The following LRRIQ1 variants were observed in gnomAD, a reference collection of about 807,000 sequenced individuals.
LRRIQ1 encodes leucine-rich repeat- and IQ domain-containing protein 1.
LRRIQ1 carries 210 observed loss-of-function variants against 211.9 expected under a neutral mutation model. That is an observed-to-expected ratio of 0.99 (90% CI 0.89 to 1.11). The LOEUF (loss-of-function observed/expected upper bound fraction) is 1.11, where lower values mean the gene tolerates loss of function less well. LRRIQ1 is among the 50% of genes most tolerant of loss of function. The pLI is 0.00. For synonymous variants in LRRIQ1, 699 were observed against 650.1 expected, an observed-to-expected ratio of 1.08 and a Z score of -1.14; for missense variants, 2,136 against 1,939.5, an observed-to-expected ratio of 1.10 and a Z score of -1.90.
intron 11 of LRRIQ1, among the ~76,000 whole-genome samples, chr12:85,075,666 T>G (rs1883567613): frequency 6.6e-6 from 1 of 151,964 alleles, no homozygotes; most frequent in African/African-American, 2.4e-5. Flanking sequence ...CCTCCAGCAT[T>G]GAGGATTAGA....
At chr12:85,142,681 T>A (rs560256820) in intron 19 of LRRIQ1, among the ~76,000 whole-genome samples, 64 of 151,640 alleles carry the variant, frequency 4.2e-4, no homozygotes, top group African/African-American at 1.5e-3. Context: ...TTCTGTGATA[T>A]TAAGTTTTTT....
At chr12:85,157,360 A>C (rs559725633) in intron 23 of LRRIQ1, among the ~76,000 whole-genome samples, 18 of 151,938 alleles carry the variant, frequency 1.2e-4, no homozygotes, top group Non-Finnish European at 2.2e-4. Context: ...AGGAGTTATC[A>C]TTACTTATAC....
chr12:85,271,777 TTTAA>T, the LRRIQ1 span, among the ~76,000 whole-genome samples: 1 of 152,162 alleles, frequency 6.6e-6, no homozygotes, highest in South Asian at 2.1e-4. Flanking sequence ...ATTTTTTAAC[TTTAA>T]TTTGCAATTT....
intron 15 of LRRIQ1, among the ~76,000 whole-genome samples, chr12:85,111,380 G>A (rs567568829): frequency 2.6e-5 from 4 of 151,924 alleles, no homozygotes; most frequent in Non-Finnish European, 4.4e-5. Context: ...CCTACTGCAC[G>A]AGAGGCTAGA....
chr12:85,091,166 G>A lies in LRRIQ1; in HGVS notation c.2888-7189G>A, dbSNP rs750739035. Among the ~76,000 whole-genome samples the A allele has an allele frequency of 2.7e-4, 41 of 152,132 alleles. 1 individual carries two copies. Among genetic ancestry groups the A allele is most frequent in the Non-Finnish European group, 4.6e-4 (31 of 68,018 alleles). On this transcript the variant is annotated intron_variant, in intron 11 of 26. Coordinates refer to ENST00000393217, the MANE Select transcript of LRRIQ1 (RefSeq NM_001079910.2). ...GCTTCCTAAGGTCTCTCTAGAAGCT[G>A]AGAAGATGCCAGCACCATACTTTCT... is the stretch of plus-strand genomic sequence containing the variant.
chr12:85,064,956 C>A (rs558420874), intron 8 of LRRIQ1, among the ~76,000 whole-genome samples: 1 of 151,594 alleles, frequency 6.6e-6, no homozygotes, highest in African/African-American at 2.4e-5. Flanking sequence ...GAAGTCCATA[C>A]CACTTTAAAA....
intron 25 of LRRIQ1, among the ~76,000 whole-genome samples, chr12:85,232,158 C>T (rs1593003978): frequency 6.6e-6 from 1 of 151,870 alleles, no homozygotes; most frequent in South Asian, 2.1e-4. Context: ...TAAACTTTCT[C>T]CTTTGAAAAT....
intron 26 of LRRIQ1, among the ~76,000 whole-genome samples, chr12:85,241,934 CAG>C (rs1229494693): frequency 3.3e-5 from 5 of 151,938 alleles, no homozygotes; most frequent in Non-Finnish European, 7.4e-5. Flanking sequence ...GGAGGTGAAT[CAG>C]AATCCAAATG....
chr12:85,167,176 T>A (rs1401402582), intron 24 of LRRIQ1, among the ~76,000 whole-genome samples: 1 of 152,188 alleles, frequency 6.6e-6, no homozygotes, highest in Admixed American at 6.5e-5. Flanking sequence ...TAGGAAGACT[T>A]TTCTGATTCT....
chr12:85,210,657 G>C (rs780922172), intron 24 of LRRIQ1, among the ~76,000 whole-genome samples: 1 of 152,126 alleles, frequency 6.6e-6, no homozygotes, highest in Non-Finnish European at 1.5e-5. Flanking sequence ...CAAATCATTG[G>C]TTTCGTATAC....
chr12:85,154,472 G>A (rs1442649772), intron 23 of LRRIQ1, among the ~76,000 whole-genome samples: 1 of 151,348 alleles, frequency 6.6e-6, no homozygotes, highest in East Asian at 1.9e-4. Flanking sequence ...TCAATAAATT[G>A]TATAAATTTA....
chr12:85,213,059 A>G (rs1893914518), intron 24 of LRRIQ1, among the ~76,000 whole-genome samples: 1 of 151,826 alleles, frequency 6.6e-6, no homozygotes, highest in Non-Finnish European at 1.5e-5. Context: ...CCCAGGTAGC[A>G]AATAGTAATT....
rs1437494638 is a variant in LRRIQ1, at chr12:85,045,902, T to A, written c.337-118T>A. ...GCTGCAGATTTGTATTTGAGAGATA[T>A]CTGGAGTACATTAAAATTCTTGGTA... On this transcript the variant is annotated intron_variant, in intron 4 of 26. Transcript: ENST00000393217. 8.2e-6 allele frequency: 4 copies of A among 488,576 alleles called. No homozygotes were observed. The East Asian group carries it at 1.2e-4, about 15-fold the overall frequency. The allele number at this position is 488,576 out of a possible 1,614,324, so 30.3% of individuals were successfully genotyped here.
chr12:85,132,551 T>G (rs1314077322), intron 18 of LRRIQ1, among the ~76,000 whole-genome samples: 2 of 152,086 alleles, frequency 1.3e-5, no homozygotes, highest in African/African-American at 2.4e-5. Context: ...ACAGATTGCT[T>G]GAGCTCAGGA....
chr12:85,234,022 A>G (rs760536319), intron 26 of LRRIQ1, among the ~76,000 whole-genome samples: 64 of 152,012 alleles, frequency 4.2e-4, no homozygotes, highest in Non-Finnish European at 7.4e-4. Flanking sequence ...CTTGAGCCCA[A>G]GAGTTCAAGA....
intron 24 of LRRIQ1, among the ~76,000 whole-genome samples, chr12:85,170,702 T>A (rs548150550): frequency 6.6e-6 from 1 of 152,018 alleles, no homozygotes; most frequent in Admixed American, 6.6e-5. Flanking sequence ...AATAGAGGAC[T>A]ATGTAATTCT....
At chr12:85,232,329 A>G (rs2137198812) in intron 25 of LRRIQ1, among the ~76,000 whole-genome samples, 1 of 152,256 alleles carries the variant, frequency 6.6e-6, no homozygotes, top group African/African-American at 2.4e-5. Context: ...AAAGTAGGAA[A>G]CTTTACTTTT....
chr12:85,141,027 T>G (rs1397700841), intron 19 of LRRIQ1, among the ~76,000 whole-genome samples: 1 of 151,368 alleles, frequency 6.6e-6, no homozygotes, highest in Non-Finnish European at 1.5e-5. Context: ...ATGTAAATTC[T>G]ATTTCTTATA....
At chr12:85,065,929 A>G (rs1247645468) in intron 9 of LRRIQ1, among the ~76,000 whole-genome samples, 2 of 151,878 alleles carry the variant, frequency 1.3e-5, no homozygotes, top group African/African-American at 4.8e-5. Flanking sequence ...GGGTGCTTAT[A>G]GGGTATTACT....
Sources: allele counts gnomAD v4.1 joint callset (sites outside exome capture counted in the v4.1 genomes callset), GRCh38; gene constraint gnomAD v4.1.1; transcripts MANE v1.5; gene names NCBI Gene and HGNC (gene_info 2026-07-23, HGNC 2026-07-21).